Variants in FSTL4 observed in about 807,000 individuals in gnomAD.
The protein encoded by FSTL4 is follistatin like 4.
A neutral mutation model predicts 78.2 loss-of-function variants in FSTL4; 28 were observed. The ratio of observed to expected loss-of-function variants is 0.36; its 90% confidence interval spans 0.27 to 0.49. The LOEUF is 0.49. FSTL4 is among the 20% of genes least tolerant of loss of function. The pLI is 0.98. For synonymous variants in FSTL4, 422 were observed against 440.5 expected (o/e 0.96, Z 0.53); for missense variants, 922 against 1,084.9 (o/e 0.85, Z 2.11).
intron 6 of FSTL4, among the ~76,000 whole-genome samples, chr5:133,268,433 A>G (rs1752691684): frequency 6.6e-6 from 1 of 152,098 alleles, no homozygotes; most frequent in Non-Finnish European, 1.5e-5. Context: ...CTACCCCCCT[A>G]CATGGGTGTT....
chr5:133,531,058 A>G (rs1759241241), intron 3 of FSTL4, among the ~76,000 whole-genome samples: 1 of 152,212 alleles, frequency 6.6e-6, no homozygotes, highest in Admixed American at 6.5e-5. Context: ...TAGGGCCGAT[A>G]TTCTTCTTTG....
At chr5:133,477,814 C>T (rs886337469) in intron 3 of FSTL4, among the ~76,000 whole-genome samples, 13 of 152,196 alleles carry the variant, frequency 8.5e-5, no homozygotes, top group Admixed American at 5.9e-4. Flanking sequence ...TGAGAAGTGC[C>T]AATTTTCCAG....
At chr5:133,736,746 G>T in the FSTL4 span, among the ~76,000 whole-genome samples, 1 of 152,118 alleles carries the variant, frequency 6.6e-6, no homozygotes, top group African/African-American at 2.4e-5. Context: ...CCCCTCAACT[G>T]CATTGCAGCC....
At chr5:133,528,043 T>C (rs1258366665) in intron 3 of FSTL4, among the ~76,000 whole-genome samples, 1 of 152,222 alleles carries the variant, frequency 6.6e-6, no homozygotes, top group Non-Finnish European at 1.5e-5. Context: ...AGAATAACCT[T>C]GATAAGTGTT....
At chr5:133,241,884 C>T (rs766035990) in intron 7 of FSTL4, among the ~76,000 whole-genome samples, 2 of 152,230 alleles carry the variant, frequency 1.3e-5, no homozygotes, top group Non-Finnish European at 2.9e-5. Flanking sequence ...CAGCTGATTC[C>T]TGTCGTTGAG....
chr5:133,485,569 G>A (rs988086474), intron 3 of FSTL4, among the ~76,000 whole-genome samples: 3 of 152,236 alleles, frequency 2.0e-5, no homozygotes, highest in Non-Finnish European at 4.4e-5. Context: ...TTTAAGAGAG[G>A]TAAATGATTT....
At chr5:133,529,999 T>C (rs966972653) in intron 3 of FSTL4, among the ~76,000 whole-genome samples, 3 of 152,342 alleles carry the variant, frequency 2.0e-5, no homozygotes, top group African/African-American at 7.2e-5. Flanking sequence ...TCCAGCTTTT[T>C]GGAGTGTGAC....
At chr5:133,399,711 C>T (rs1262884621) in intron 4 of FSTL4, among the ~76,000 whole-genome samples, 3 of 152,218 alleles carry the variant, frequency 2.0e-5, no homozygotes, top group Non-Finnish European at 4.4e-5. Context: ...TCTAGTGTTG[C>T]AGGCACTTGG....
chr5:133,477,787 GT>G (rs57998483), intron 3 of FSTL4, among the ~76,000 whole-genome samples: 10,173 of 151,448 alleles, frequency 0.067, 1,140 homozygotes, highest in African/African-American at 0.23. Context: ...TGCAAAAAAT[GT>G]TTTTTTTTCT....
chr5:133,312,502 C>G, intron 6 of FSTL4, 152 bp downstream of exon 6: 1 of 675,530 alleles, frequency 1.5e-6, no homozygotes, highest in South Asian at 1.9e-5. Flanking sequence ...TTTCTTAAAG[C>G]TCAGGCTTGT....
At chr5:133,720,974 G>A in the FSTL4 span, 3 of 152,294 alleles carry the variant, frequency 2.0e-5, no homozygotes, top group East Asian at 1.9e-4. Context: ...AGATGAGCAA[G>A]CTTCATCTAG....
At chr5:133,251,933 A>G (rs1561644145) in intron 6 of FSTL4, among the ~76,000 whole-genome samples, 1 of 152,120 alleles carries the variant, frequency 6.6e-6, no homozygotes, top group Non-Finnish European at 1.5e-5. Flanking sequence ...CCAGATCATG[A>G]GCACACCCAG....
chr5:133,320,398 C>T (rs111471996), intron 4 of FSTL4, among the ~76,000 whole-genome samples: 9 of 152,164 alleles, frequency 5.9e-5, no homozygotes, highest in Admixed American at 2.6e-4. Flanking sequence ...TGGACACCAC[C>T]GGACATGTCT....
the FSTL4 span, among the ~76,000 whole-genome samples, chr5:133,705,864 C>A: frequency 7.3e-6 from 1 of 136,654 alleles, no homozygotes; most frequent in African/African-American, 3.1e-5. Context: ...CGCGCACACA[C>A]ACACGCACAC....
intron 6 of FSTL4, among the ~76,000 whole-genome samples, chr5:133,298,717 C>T (rs953196705): frequency 2.6e-5 from 4 of 152,218 alleles, no homozygotes; most frequent in Admixed American, 6.5e-5. Flanking sequence ...GTGGCACCTG[C>T]GGGGGTGTCT....
intron 2 of FSTL4, among the ~76,000 whole-genome samples, chr5:133,581,847 A>G (rs2112958962): frequency 6.6e-6 from 1 of 152,340 alleles, no homozygotes; most frequent in African/African-American, 2.4e-5. Context: ...TTAATCATGC[A>G]TCTTAACACC....
At chr5:133,801,170 C>T in the FSTL4 span, among the ~76,000 whole-genome samples, 12 of 152,166 alleles carry the variant, frequency 7.9e-5, no homozygotes, top group Admixed American at 2.6e-4. Flanking sequence ...CCATCCTGAC[C>T]CCACACATTG....
chr5:133,348,572 G>C (rs1427022072), intron 4 of FSTL4, among the ~76,000 whole-genome samples: 1 of 152,248 alleles, frequency 6.6e-6, no homozygotes, highest in African/African-American at 2.4e-5. Context: ...AGTCTGGCCA[G>C]GTGCAGGAGC....
chr5:133,527,843 C>T (rs971387796), intron 3 of FSTL4, among the ~76,000 whole-genome samples: 5 of 152,166 alleles, frequency 3.3e-5, no homozygotes, highest in African/African-American at 7.2e-5. Flanking sequence ...CAAGTAACCC[C>T]CCTGATATCC....
Sources: allele counts gnomAD v4.1 joint callset (sites outside exome capture counted in the v4.1 genomes callset), GRCh38; gene constraint gnomAD v4.1.1; transcripts MANE v1.5; gene names NCBI Gene and HGNC (gene_info 2026-07-23, HGNC 2026-07-21).